Variants in IQGAP2 observed in about 807,000 individuals in gnomAD.
IQGAP2 encodes ras GTPase-activating-like protein IQGAP2.
IQGAP2 carries 173 observed loss-of-function variants against 201.3 expected under a neutral mutation model. That is an observed-to-expected ratio of 0.86 (90% CI 0.76 to 0.98). The LOEUF is 0.98. Ranked by LOEUF, IQGAP2 falls within the 50% of genes least tolerant of loss-of-function variation. The pLI is 0.00. For missense variants in IQGAP2, 1,687 were observed against 1,864.8 expected (o/e 0.90, Z 1.76); for synonymous variants, 675 against 673.9 (o/e 1.00, Z -0.03).
Position 76,612,419 on chromosome 5 carries a change from C to T in IQGAP2, c.1521+1236C>T, listed in dbSNP as rs140465093. Reference sequence around the variant, plus strand: ...GTTGAGGGACAAGAATCTCTTGAACCGAGAGGTAGAGGTTGCAGCGAGCTG... The same window carrying T: ...GTTGAGGGACAAGAATCTCTTGAACTGAGAGGTAGAGGTTGCAGCGAGCTG... On this transcript the variant is annotated intron_variant, in intron 13 of 35. Transcript: ENST00000274364. Among the ~76,000 whole-genome samples, 181 of 152,094 alleles carry T rather than the reference C, an allele frequency of 1.2e-3. 6 individuals carry two copies. The East Asian group carries it at 0.026, about 21-fold the overall frequency.
chr5:76,476,425 G>T (rs1165641091), intron 2 of IQGAP2, among the ~76,000 whole-genome samples: 3 of 152,128 alleles, frequency 2.0e-5, no homozygotes, highest in Non-Finnish European at 4.4e-5. Context: ...AGGAAATTTG[G>T]CAAACAACCA....
chr5:76,491,329 T>A (rs1485941105), intron 2 of IQGAP2, among the ~76,000 whole-genome samples: 8 of 152,224 alleles, frequency 5.3e-5, no homozygotes, highest in Non-Finnish European at 1.2e-4. Flanking sequence ...TCCCTCATAC[T>A]TCCTTTAATT....
chr5:76,460,904 C>CT (rs1188162268), intron 1 of IQGAP2, among the ~76,000 whole-genome samples: 1 of 139,564 alleles, frequency 7.2e-6, no homozygotes, highest in African/African-American at 2.8e-5. Context: ...GAGTCTAACT[C>CT]TATCGCCCAG....
rs1750798173 is a variant in IQGAP2 at position 76,632,576 on chromosome 5, T to C, written c.1780+550T>C. Among the ~76,000 whole-genome samples the C allele has an allele frequency of 2.0e-5, 3 of 152,136 alleles. No individual in the cohort carries two copies. The South Asian group carries it at 6.2e-4, about 31-fold the overall frequency. On this transcript the variant is annotated intron_variant, in intron 15 of 35. Coordinates refer to ENST00000274364, the MANE Select transcript of IQGAP2 (RefSeq NM_006633.5). The stretch of plus-strand genomic sequence containing the variant: ...CATTTTTCAGATTTGGAAGTTCACA[T>C]TGGTAAGATTTCAGACAGAGGGAAA...
intron 35 of IQGAP2, among the ~76,000 whole-genome samples, chr5:76,706,449 G>A (rs187996594): frequency 2.2e-4 from 34 of 152,150 alleles, no homozygotes; most frequent in Non-Finnish European, 3.7e-4. Flanking sequence ...CTCTGTTCAA[G>A]TGATTTTCCT....
chr5:76,641,249 C>A, intron 17 of IQGAP2, 146 bp downstream of exon 17: 1 of 596,782 alleles, frequency 1.7e-6, no homozygotes, highest in Admixed American at 3.1e-5. Flanking sequence ...TAGTCTACTT[C>A]ACTAAGGCTT....
intron 2 of IQGAP2, among the ~76,000 whole-genome samples, chr5:76,524,280 A>T (rs1395519067): frequency 6.6e-6 from 1 of 152,188 alleles, no homozygotes; most frequent in African/African-American, 2.4e-5. Context: ...TATCCTGTGT[A>T]TTGTGACTTG....
intron 22 of IQGAP2, among the ~76,000 whole-genome samples, chr5:76,666,986 T>G (rs999820368): frequency 3.3e-5 from 5 of 152,162 alleles, no homozygotes; most frequent in Admixed American, 6.5e-5. Flanking sequence ...GCTCAAGTGA[T>G]CCACCCATCT....
intron 1 of IQGAP2, among the ~76,000 whole-genome samples, chr5:76,405,489 T>C (rs1048998995): frequency 8.5e-5 from 13 of 152,262 alleles, no homozygotes; most frequent in African/African-American, 3.1e-4. Flanking sequence ...TATTTGCCTA[T>C]GTTTCCAGAC....
chr5:76,643,680 A>G (rs1022582331), intron 17 of IQGAP2, among the ~76,000 whole-genome samples: 3 of 152,186 alleles, frequency 2.0e-5, no homozygotes, highest in Admixed American at 1.3e-4. Flanking sequence ...CTAGTATACT[A>G]CTTTTTAGGA....
At chr5:76,680,921 A>G (rs1355528176) in intron 28 of IQGAP2, among the ~76,000 whole-genome samples, 1 of 151,624 alleles carries the variant, frequency 6.6e-6, no homozygotes, top group Non-Finnish European at 1.5e-5. Flanking sequence ...CCTGGCCAAC[A>G]TGGAGAAACC....
chr5:76,572,654 T>C (rs1283428951), intron 4 of IQGAP2, among the ~76,000 whole-genome samples: 1 of 151,994 alleles, frequency 6.6e-6, no homozygotes, highest in Non-Finnish European at 1.5e-5. Context: ...GCCAGGCTGG[T>C]CTCGAACTCC....
chr5:76,551,992 C>G (rs1384372443), intron 2 of IQGAP2, among the ~76,000 whole-genome samples: 1 of 152,106 alleles, frequency 6.6e-6, no homozygotes, highest in African/African-American at 2.4e-5. Context: ...CTCACCCTCT[C>G]ACACTGAGAC....
rs868434558 is a variant in IQGAP2 at position 76,589,658 on chromosome 5, A to G, written c.570A>G (p.Gly190=). 10 of 1,608,814 alleles carry G rather than the reference A, an allele frequency of 6.2e-6. No homozygotes were observed. The Middle Eastern group carries it at 8.4e-4, about 135-fold the overall frequency. ...SNMRKELEKY[G]IQMPSFSKIG... is the part of the protein sequence containing the mutation. ...TGAGAAAAGAACTTGAGAAATATGG[A>G]ATACAGATGCCATCTTTCAGCAAAA... is the stretch of plus-strand genomic sequence containing the variant. The change falls in exon 7 of 36, where the codon GGA becomes GGG. Residue 190 remains glycine, a synonymous_variant. Transcript: ENST00000274364.
intron 10 of IQGAP2, among the ~76,000 whole-genome samples, chr5:76,600,329 A>C (rs987214298): frequency 6.6e-6 from 1 of 152,244 alleles, no homozygotes; most frequent in Non-Finnish European, 1.5e-5. Flanking sequence ...GAATTAAATC[A>C]GTAGTCTTGG....
chr5:76,678,119 C>A (rs888203085), intron 28 of IQGAP2, among the ~76,000 whole-genome samples: 1 of 152,078 alleles, frequency 6.6e-6, no homozygotes, highest in Non-Finnish European at 1.5e-5. Context: ...TGAGAATATT[C>A]TTTTTATTCT....
intron 2 of IQGAP2, among the ~76,000 whole-genome samples, chr5:76,525,758 T>C (rs545899314): frequency 1.3e-5 from 2 of 152,360 alleles, no homozygotes; most frequent in Admixed American, 6.5e-5. Context: ...AAAACACTTA[T>C]GGCACAGTAG....
intron 16 of IQGAP2, among the ~76,000 whole-genome samples, chr5:76,638,380 G>A (rs2431355): frequency 2.0e-5 from 3 of 151,740 alleles, no homozygotes; most frequent in Admixed American, 1.3e-4. Context: ...ACTCTGTCCC[G>A]GGGAGGGAAA....
intron 1 of IQGAP2, among the ~76,000 whole-genome samples, chr5:76,422,910 T>G (rs761304915): frequency 6.6e-6 from 1 of 152,232 alleles, no homozygotes; most frequent in Non-Finnish European, 1.5e-5. Context: ...AGGTTGGTAA[T>G]GTTATCCCCA....
Sources: gnomAD v4.1 joint callset for allele counts (sites outside exome capture counted in the v4.1 genomes callset) on GRCh38, gnomAD v4.1.1 for gene constraint, MANE v1.5 for transcripts, NCBI Gene and HGNC (gene_info 2026-07-23, HGNC 2026-07-21) for gene names.